WASHC4: variants seen among roughly 807,000 people sequenced by gnomAD.
WASHC4 encodes the protein WASH complex subunit 7.
In WASHC4, 86 loss-of-function variants were observed where a neutral mutation model predicts 166.6. The ratio of observed to expected loss-of-function variants is 0.52; its 90% CI spans 0.43 to 0.62. WASHC4 has a LOEUF of 0.62. Ranked by LOEUF, WASHC4 falls within the 20% of genes least tolerant of loss-of-function variation. The pLI is 0.00. For missense variants in WASHC4, 1,262 were observed against 1,382.4 expected (o/e 0.91, Z 1.38); for synonymous variants, 446 against 451.6 (o/e 0.99, Z 0.16).
intron 26 of WASHC4, among the ~76,000 whole-genome samples, chr12:105,153,740 AT>A (rs1186317914): frequency 2.0e-5 from 3 of 152,172 alleles, no homozygotes; most frequent in African/African-American, 7.2e-5. Flanking sequence ...CTTAAGTTTT[AT>A]TTATACACAT....
chr12:105,130,006 C>A (rs1006322300), intron 13 of WASHC4, among the ~76,000 whole-genome samples: 1 of 152,102 alleles, frequency 6.6e-6, no homozygotes, highest in African/African-American at 2.4e-5. Flanking sequence ...TGACACATAC[C>A]TCCTGTAATG....
intron 2 of WASHC4, 129 bp from the exon 3 acceptor site, chr12:105,114,087 T>TA: frequency 1.3e-6 from 1 of 743,726 alleles, no homozygotes; most frequent in Non-Finnish European, 2.3e-6. Flanking sequence ...AAGTAGTTGA[T>TA]ATGGTGCTAA....
intron 28 of WASHC4, among the ~76,000 whole-genome samples, chr12:105,158,745 G>C (rs1203470709): frequency 6.6e-6 from 1 of 152,132 alleles, no homozygotes; most frequent in East Asian, 1.9e-4. Flanking sequence ...TTGTGGCTTT[G>C]TAGAAAAATG....
intron 15 of WASHC4, among the ~76,000 whole-genome samples, chr12:105,139,193 T>G (rs73395770): frequency 2.0e-5 from 3 of 151,954 alleles, no homozygotes; most frequent in African/African-American, 4.8e-5. Flanking sequence ...TTGGGATGAG[T>G]AGCACATCTA....
intron 10 of WASHC4, among the ~76,000 whole-genome samples, chr12:105,125,753 A>G (rs144499241): frequency 1.8e-4 from 28 of 152,260 alleles, no homozygotes; most frequent in African/African-American, 6.3e-4. Flanking sequence ...ATCTCTTTAT[A>G]CAGGATTATA....
intron 6 of WASHC4, among the ~76,000 whole-genome samples, chr12:105,116,796 G>A (rs1880225980): frequency 2.0e-5 from 3 of 152,256 alleles, no homozygotes; most frequent in Middle Eastern, 3.4e-3. Context: ...GGAGTTGGAG[G>A]ACAAAGAAAA....
chr12:105,144,965 A>G (rs1883177821), intron 22 of WASHC4, 93 bp downstream of exon 22: 1 of 1,235,718 alleles, frequency 8.1e-7, no homozygotes, highest in Non-Finnish European at 1.2e-6. Flanking sequence ...TTTAGTTAGT[A>G]TGTGCTTATT....
chr12:105,156,171 G>A (rs969943224), intron 26 of WASHC4, among the ~76,000 whole-genome samples: 16 of 152,210 alleles, frequency 1.1e-4, no homozygotes, highest in Admixed American at 3.9e-4. Flanking sequence ...GCAACTGAAA[G>A]GATAGAATTG....
At chr12:105,141,146 T>A (rs1444499487) in intron 17 of WASHC4, 21 bp from the exon 18 acceptor site, 1 of 1,602,602 alleles carries the variant, frequency 6.2e-7, no homozygotes, top group Admixed American at 1.7e-5. Flanking sequence ...CTTCTCTGCC[T>A]TTTTTTCCTG....
Position 105,122,744 on chromosome 12 carries a change from C to T in WASHC4, c.786+506C>T, listed in dbSNP as rs115258998. Among the ~76,000 whole-genome samples, 400 of 152,126 alleles carry T rather than the reference C, an allele frequency of 2.6e-3. 2 individuals carry two copies. The highest frequency in any genetic ancestry group is 9.3e-3 in the African/African-American group (385 of 41,502). On this transcript the variant is annotated intron_variant, in intron 10 of 32. Coordinates refer to ENST00000332180, the MANE Select transcript of WASHC4 (RefSeq NM_015275.3). Reference sequence around the variant, plus strand: ...TGGTGATCAGTGGTTTCTGATGTTACTATTGTAATTGTTCTGGGGTGCTAC... The same window carrying T: ...TGGTGATCAGTGGTTTCTGATGTTATTATTGTAATTGTTCTGGGGTGCTAC...
intron 13 of WASHC4, among the ~76,000 whole-genome samples, chr12:105,127,875 T>C (rs1881436077): frequency 6.6e-6 from 1 of 152,194 alleles, no homozygotes; most frequent in African/African-American, 2.4e-5. Context: ...TTTTTATCTC[T>C]TATTGTGTAA....
chr12:105,140,842 T>A, intron 16 of WASHC4, 57 bp from the exon 17 acceptor site: 1 of 1,537,944 alleles, frequency 6.5e-7, no homozygotes, highest in Non-Finnish European at 8.9e-7. Flanking sequence ...GAAGTTTTTC[T>A]TCTGAGTCTT....
chr12:105,149,007 G>A, intron 24 of WASHC4: 2 of 978,332 alleles, frequency 2.0e-6, no homozygotes, highest in Non-Finnish European at 2.4e-6. Flanking sequence ...AATTATTACA[G>A]TAGAGATTTA....
chr12:105,149,425 A>C, intron 24 of WASHC4, 190 bp from the exon 25 acceptor site: 2 of 1,091,416 alleles, frequency 1.8e-6, no homozygotes, highest in Non-Finnish European at 2.3e-6. Context: ...GAGCTTATAG[A>C]AAGTTTTGTG....
intron 30 of WASHC4, among the ~76,000 whole-genome samples, 194 bp from the exon 31 acceptor site, chr12:105,163,917 T>C (rs963534103): frequency 6.6e-6 from 1 of 152,228 alleles, no homozygotes; most frequent in African/African-American, 2.4e-5. Context: ...CTACATTGTT[T>C]TTAAAGGAGG....
rs753870045 is a variant in WASHC4, at chr12:105,118,506, G to A, written c.496G>A (p.Ala166Thr). ...EVVMNVVHQL[A>T]ALYISNKIAP... The stretch of plus-strand genomic sequence containing the variant: ...GGTGATGAACGTAGTCCACCAGTTG[G>A]CTGCCCTCTATATCAGTAACAAGTA... Residue 166 changes from alanine to threonine, a missense_variant, in exon 7 of 33, where the codon GCT becomes ACT. By Grantham distance (58) the Ala-to-Thr change is moderately conservative (BLOSUM62 0). Coordinates refer to ENST00000332180, the MANE Select transcript of WASHC4 (RefSeq NM_015275.3). 2.5e-6 allele frequency: 4 copies of A among 1,610,748 alleles called. No homozygotes were observed. The Admixed American group carries it at 6.7e-5, about 27-fold the overall frequency.
chr12:105,129,515 C>T (rs2135759373), intron 13 of WASHC4, among the ~76,000 whole-genome samples: 1 of 152,202 alleles, frequency 6.6e-6, no homozygotes, highest in East Asian at 1.9e-4. Flanking sequence ...AGGTATATTC[C>T]ATGGAATTTT....
At chr12:105,137,194 C>T (rs1882405672) in intron 14 of WASHC4, among the ~76,000 whole-genome samples, 1 of 135,710 alleles carries the variant, frequency 7.4e-6, no homozygotes. Context: ...CTTTATTCCA[C>T]TGTTTCACTG....
Position 105,114,532 on chromosome 12 carries a change from G to A in WASHC4, c.321+105G>A, listed in dbSNP as rs1879996057. ...AATAAATATTTATTGAATGTTGAAT[G>A]AATTATTTATTTAACGTAATACTAA... On this transcript the variant is annotated intron_variant, in intron 4 of 32. Coordinates refer to ENST00000332180, the MANE Select transcript of WASHC4 (RefSeq NM_015275.3). The A allele has an allele frequency of 1.9e-5, 15 of 805,372 alleles. 1 individual carries two copies. The South Asian group carries it at 2.2e-4, about 12-fold the overall frequency. 49.9% of individuals were successfully genotyped at this position (805,372 alleles called of 1,614,324 possible).
Sources: gnomAD v4.1 joint callset for allele counts (sites outside exome capture counted in the v4.1 genomes callset) on GRCh38, gnomAD v4.1.1 for gene constraint, MANE v1.5 for transcripts, NCBI Gene and HGNC (gene_info 2026-07-23, HGNC 2026-07-21) for gene names.